The following WDR49 variants were observed in gnomAD, a reference collection of about 807,000 sequenced individuals.
The protein encoded by WDR49 is cilia- and flagella-associated protein 337.
Under a neutral mutation model 119.5 loss-of-function variants are expected in WDR49, and 107 were observed. That is an observed-to-expected ratio of 0.90 (90% CI 0.77 to 1.05). The LOEUF (loss-of-function observed/expected upper bound fraction) is 1.05, where lower values mean the gene tolerates loss of function less well. Among genes scored for constraint, WDR49 ranks in the 50% least tolerant of loss-of-function variants. WDR49 has a pLI of 0.00. For synonymous variants in WDR49, 425 were observed against 418.8 expected (o/e 1.01, Z -0.18); for missense variants, 1,240 against 1,220.5 (o/e 1.02, Z -0.24).
intron 8 of WDR49, among the ~76,000 whole-genome samples, chr3:167,567,878 A>G (rs1052104561): frequency 2.0e-5 from 3 of 152,240 alleles, no homozygotes; most frequent in African/African-American, 7.2e-5. Context: ...GAACCAGTTC[A>G]GAAAAAAACA....
chr3:167,626,603 C>T (rs1405092857), intron 3 of WDR49, among the ~76,000 whole-genome samples: 1 of 152,044 alleles, frequency 6.6e-6, no homozygotes, highest in Non-Finnish European at 1.5e-5. Flanking sequence ...GTAAACTATA[C>T]AGGAGTAAAG....
intron 8 of WDR49, among the ~76,000 whole-genome samples, chr3:167,569,981 T>C (rs1254623932): frequency 6.6e-6 from 1 of 152,152 alleles, no homozygotes; most frequent in East Asian, 1.9e-4. Flanking sequence ...TGTTCGTACA[T>C]GTATGTGTGC....
intron 9 of WDR49, among the ~76,000 whole-genome samples, chr3:167,558,575 G>A (rs189032875): frequency 1.3e-5 from 2 of 152,274 alleles, no homozygotes; most frequent in Admixed American, 6.5e-5. Context: ...AGATGTCAAC[G>A]CTTCAGTTGA....
Position 167,636,584 on chromosome 3 carries a change from G to A in WDR49, c.166-9292C>T, listed in dbSNP as rs138933436. ...GAATCTCCACACTGTTTTTCACAGT[G>A]GTTGTACTAGTTTGCATTCCCACCA... On this transcript the variant is annotated intron_variant, in intron 2 of 18. Transcript: ENST00000682715. 7.2e-3 allele frequency among the ~76,000 whole-genome samples: 1,087 copies of A among 151,766 alleles called. 22 individuals are homozygous for A. Among genetic ancestry groups the A allele is most frequent in the Non-Finnish European group, 7.3e-3 (495 of 67,788 alleles).
In WDR49 at chr3:167,500,221, T is replaced by C; in HGVS notation, c.2963A>G (p.Glu988Gly). ...CTCTGGTTCTTTCCTAAAGTATTTC[T>C]CAGGGTCTAGAAGGAAAGCAGGTTT... ...VNKPAFLLDP[E>G]KYFRKEPEEE... Residue 988 changes from glutamate to glycine, a missense_variant, in exon 18 of 19, where the codon GAG becomes GGG. By Grantham distance (98) the Glu-to-Gly change is moderately conservative. Coordinates refer to ENST00000682715, the MANE Select transcript of WDR49 (RefSeq NM_001366157.1). The C allele has an allele frequency of 6.2e-7, 1 of 1,600,452 alleles. No homozygotes were observed. Among genetic ancestry groups the C allele is most frequent in the Non-Finnish European group, 8.5e-7 (1 of 1,176,498 alleles).
intron 18 of WDR49, among the ~76,000 whole-genome samples, chr3:167,492,328 C>G (rs968577573): frequency 1.3e-5 from 2 of 152,104 alleles, no homozygotes; most frequent in East Asian, 1.9e-4. Flanking sequence ...ACTATTTGAA[C>G]AGGGGAGGCT....
At chr3:167,623,220 A>T (rs1308701193) in intron 3 of WDR49, among the ~76,000 whole-genome samples, 4 of 152,114 alleles carry the variant, frequency 2.6e-5, no homozygotes, top group African/African-American at 9.7e-5. Context: ...AAACCAGACA[A>T]AGACATCACA....
chr3:167,517,284 C>T (rs1398071227), intron 16 of WDR49, among the ~76,000 whole-genome samples: 1 of 152,160 alleles, frequency 6.6e-6, no homozygotes, highest in Non-Finnish European at 1.5e-5. Context: ...TACACGGCTA[C>T]AGTAACCAAA....
intron 8 of WDR49, chr3:167,575,113 G>A (rs1714162946): frequency 4.1e-6 from 4 of 985,422 alleles, no homozygotes; most frequent in Non-Finnish European, 4.8e-6. Context: ...TTAATTGGCT[G>A]TAAGCTGGAG....
chr3:167,566,598 G>A (rs1012817867), intron 8 of WDR49, among the ~76,000 whole-genome samples: 1 of 151,984 alleles, frequency 6.6e-6, no homozygotes, highest in Non-Finnish European at 1.5e-5. Context: ...CAACATGGGG[G>A]TTAGAGATGC....
At chr3:167,633,575 T>C (rs1323953597) in intron 2 of WDR49, 2 of 438,416 alleles carry the variant, frequency 4.6e-6, no homozygotes, top group South Asian at 1.6e-5. Context: ...AAAGCAAAGA[T>C]AACCTTTCAA....
chr3:167,638,622 T>G (rs1717730274), intron 2 of WDR49, among the ~76,000 whole-genome samples: 1 of 151,576 alleles, frequency 6.6e-6, no homozygotes, highest in South Asian at 2.1e-4. Flanking sequence ...TCAGTTTATA[T>G]CATCCCCTGC....
At chr3:167,586,726 T>G (rs745825974) in intron 7 of WDR49, among the ~76,000 whole-genome samples, 5 of 152,206 alleles carry the variant, frequency 3.3e-5, no homozygotes, top group Non-Finnish European at 4.4e-5. Flanking sequence ...ATGCATTTAT[T>G]AAAGTGAAAT....
intron 2 of WDR49, among the ~76,000 whole-genome samples, chr3:167,645,248 T>C (rs552644018): frequency 6.6e-6 from 1 of 152,246 alleles, no homozygotes; most frequent in South Asian, 2.1e-4. Context: ...TTTCGCTCAG[T>C]CACCCAGGCT....
intron 3 of WDR49, 96 bp downstream of exon 3, chr3:167,626,756 G>A (rs987306925): frequency 3.0e-6 from 3 of 1,006,500 alleles, no homozygotes; most frequent in Non-Finnish European, 2.6e-6. Context: ...AAGCCACCAA[G>A]AGTAATGCAG....
At chr3:167,511,533 A>G (rs1751970451) in intron 16 of WDR49, among the ~76,000 whole-genome samples, 1 of 152,198 alleles carries the variant, frequency 6.6e-6, no homozygotes, top group African/African-American at 2.4e-5. Flanking sequence ...AAACCTATAT[A>G]TTGGTGAGTG....
At position 167,602,273 on chromosome 3, in the gene WDR49, T is replaced by C. The variant is rs1285517311; in HGVS notation, c.1129A>G (p.Thr377Ala). Reference sequence around the variant, plus strand: ...CAAACTTTATTGTTAATGCCAGCAGTTGCTAATCAGAATTAGAAAGAAAAA... The same window carrying C: ...CAAACTTTATTGTTAATGCCAGCAGCTGCTAATCAGAATTAGAAAGAAAAA... ...DYHSRLNLIA[T>A]AGINNKVCLW... Residue 377 changes from threonine (T) to alanine (A), a missense_variant and splice_region_variant, in exon 7 of 19, where the codon ACT becomes GCT. Physicochemically the swap from Thr to Ala is moderately conservative, Grantham distance 58. Coordinates refer to ENST00000682715, the MANE Select transcript of WDR49 (RefSeq NM_001366157.1). The C allele has an allele frequency of 1.9e-6, 3 of 1,564,708 alleles. No individual in the cohort carries two copies. Among genetic ancestry groups the C allele is most frequent in the Admixed American group, 3.5e-5 (2 of 56,794 alleles).
At chr3:167,509,958 T>C (rs1751905119) in intron 16 of WDR49, among the ~76,000 whole-genome samples, 1 of 152,212 alleles carries the variant, frequency 6.6e-6, no homozygotes, top group Admixed American at 6.5e-5. Context: ...TTATAAAATG[T>C]ACATTTTTTC....
intron 15 of WDR49, among the ~76,000 whole-genome samples, chr3:167,526,741 T>G (rs1752646693): frequency 6.6e-6 from 1 of 152,096 alleles, no homozygotes. Context: ...CCTAAAGGGG[T>G]GCTTAGAATT....
Sources: gnomAD v4.1 joint callset for allele counts (sites outside exome capture counted in the v4.1 genomes callset) on GRCh38, gnomAD v4.1.1 for gene constraint, MANE v1.5 for transcripts, NCBI Gene and HGNC (gene_info 2026-07-23, HGNC 2026-07-21) for gene names.